The following HMGCLL1 variants were observed in gnomAD, a reference collection of about 807,000 sequenced individuals.
HMGCLL1 encodes the protein 3-hydroxymethyl-3-methylglutaryl-CoA lyase, cytoplasmic.
HMGCLL1 carries 36 observed loss-of-function variants against 39.1 expected under a neutral mutation model. That is an observed-to-expected ratio of 0.92 (90% confidence interval 0.71 to 1.22). The LOEUF (loss-of-function observed/expected upper bound fraction) is 1.22. HMGCLL1 is among the 50% of genes most tolerant of loss of function. The pLI is 0.00. For synonymous variants in HMGCLL1, 149 were observed against 144.0 expected, an observed-to-expected ratio of 1.03 and a Z score of -0.25; for missense variants, 451 against 416.5, an observed-to-expected ratio of 1.08 and a Z score of -0.72.
chr6:55,557,883 C>T (rs1770755854), intron 1 of HMGCLL1, among the ~76,000 whole-genome samples: 1 of 152,114 alleles, frequency 6.6e-6, no homozygotes, highest in Non-Finnish European at 1.5e-5. Context: ...GCAGGCTGTG[C>T]CTAATTTGTT....
rs1769478959 is a variant in HMGCLL1 at position 55,542,182 on chromosome 6, A to T, written c.109-42T>A. 3.0e-6 allele frequency: 4 copies of T among 1,312,386 alleles called. No individual in the cohort carries two copies. In the East Asian group the frequency reaches 9.4e-5, roughly 31 times the overall value. 81.3% of individuals were successfully genotyped at this position (1,312,386 alleles called of 1,614,324 possible). A position where few individuals can be genotyped will look rare whatever the true frequency, so the allele number is the denominator to read the frequency against. ...AAGAACAAGATAACGTAACTTTTAG[A>T]TTGTTACATTTGCTTATTTGAAAAG... On this transcript the variant is annotated intron_variant, in intron 1 of 8. Transcript: ENST00000274901.
At chr6:55,477,991 G>T (rs1386871852) in intron 7 of HMGCLL1, among the ~76,000 whole-genome samples, 1 of 147,914 alleles carries the variant, frequency 6.8e-6, no homozygotes, top group South Asian at 2.3e-4. Flanking sequence ...GGAATTACTT[G>T]CTTATTTTAC....
chr6:55,627,521 G>T, the HMGCLL1 span, among the ~76,000 whole-genome samples: 1 of 152,046 alleles, frequency 6.6e-6, no homozygotes, highest in South Asian at 2.1e-4. Flanking sequence ...AATACCGAGT[G>T]TCAACTTCAT....
chr6:55,565,003 A>G (rs1771145210), intron 1 of HMGCLL1, among the ~76,000 whole-genome samples: 1 of 152,098 alleles, frequency 6.6e-6, no homozygotes, highest in East Asian at 1.9e-4. Context: ...GATTTGTAGC[A>G]AACTACAATT....
intron 7 of HMGCLL1, among the ~76,000 whole-genome samples, chr6:55,454,702 T>C (rs557887166): frequency 1.3e-5 from 2 of 152,216 alleles, no homozygotes; most frequent in African/African-American, 4.8e-5. Flanking sequence ...GCAGACCAGG[T>C]AACTCCCCAC....
At chr6:55,657,904 T>G in the HMGCLL1 span, among the ~76,000 whole-genome samples, 1 of 151,790 alleles carries the variant, frequency 6.6e-6, no homozygotes, top group Non-Finnish European at 1.5e-5. Context: ...TGGGGCTTTT[T>G]GGAGAGTGGA....
chr6:55,670,449 C>T, the HMGCLL1 span, among the ~76,000 whole-genome samples: 1 of 151,770 alleles, frequency 6.6e-6, no homozygotes, highest in Non-Finnish European at 1.5e-5. Context: ...AGTTATGTTA[C>T]ATTTTTATTC....
In HMGCLL1 at chr6:55,560,921, T is replaced by C. The variant is rs1039024484; in HGVS notation, c.108+18027A>G. Among the ~76,000 whole-genome samples, 42 of 152,314 alleles carry C rather than the reference T, an allele frequency of 2.8e-4. 1 individual carries two copies. Among genetic ancestry groups the C allele is most frequent in the African/African-American group, 9.9e-4 (41 of 41,576 alleles). On this transcript the variant is annotated intron_variant, in intron 1 of 8. Coordinates refer to ENST00000274901, the MANE Select transcript of HMGCLL1 (RefSeq NM_001042406.2). ...ATCTTAAACAATAAATCAATGTTTT[T>C]CTTTTCAATCTCTAGTAAAAAATAA...
At chr6:55,523,166 A>G (rs566967754) in intron 3 of HMGCLL1, among the ~76,000 whole-genome samples, 1 of 151,852 alleles carries the variant, frequency 6.6e-6, no homozygotes, top group Admixed American at 6.6e-5. Context: ...TCTCCACTCC[A>G]CCTATCTGAT....
chr6:55,672,681 C>T, the HMGCLL1 span, among the ~76,000 whole-genome samples: 1 of 151,938 alleles, frequency 6.6e-6, no homozygotes, highest in African/African-American at 2.4e-5. Flanking sequence ...AAGTACTATT[C>T]AAACATGCAT....
the HMGCLL1 span, among the ~76,000 whole-genome samples, chr6:55,589,036 T>A: frequency 3.0e-3 from 461 of 152,136 alleles, 3 homozygotes; most frequent in African/African-American, 0.01. Flanking sequence ...AAAGAGGGAA[T>A]CCTCCCTAAC....
intron 3 of HMGCLL1, among the ~76,000 whole-genome samples, chr6:55,524,761 A>ATGAT (rs1250294878): frequency 1.3e-5 from 2 of 151,910 alleles, no homozygotes; most frequent in African/African-American, 2.4e-5. Flanking sequence ...GGCATATCTA[A>ATGAT]TGATTGTCCC....
intron 5 of HMGCLL1, among the ~76,000 whole-genome samples, chr6:55,500,086 G>A (rs1581862150): frequency 1.3e-5 from 2 of 151,948 alleles, no homozygotes; most frequent in Non-Finnish European, 2.9e-5. Flanking sequence ...AATGCATAAC[G>A]AGTATGATAT....
At chr6:55,515,220 T>C (rs1767672828) in intron 4 of HMGCLL1, among the ~76,000 whole-genome samples, 1 of 147,516 alleles carries the variant, frequency 6.8e-6, no homozygotes, top group Non-Finnish European at 1.5e-5. Context: ...GCCACTGCAC[T>C]CCAGCCTGGC....
chr6:55,581,091 G>T (rs1200971818), upstream of HMGCLL1, among the ~76,000 whole-genome samples: 1 of 152,022 alleles, frequency 6.6e-6, no homozygotes, highest in East Asian at 1.9e-4. Flanking sequence ...CCTCAAAAAG[G>T]ATTGGCAATT....
At chr6:55,610,313 G>C in the HMGCLL1 span, among the ~76,000 whole-genome samples, 3 of 151,972 alleles carry the variant, frequency 2.0e-5, no homozygotes, top group Non-Finnish European at 4.4e-5. Context: ...GTGTTATCTA[G>C]AATAACCACT....
intron 1 of HMGCLL1, among the ~76,000 whole-genome samples, chr6:55,553,854 G>T (rs1338141989): frequency 6.6e-6 from 1 of 152,124 alleles, no homozygotes; most frequent in African/African-American, 2.4e-5. Context: ...ACCTTACACA[G>T]CTCTTGCCAC....
chr6:55,622,817 A>G, the HMGCLL1 span, among the ~76,000 whole-genome samples: 1 of 151,928 alleles, frequency 6.6e-6, no homozygotes, highest in Non-Finnish European at 1.5e-5. Flanking sequence ...TGTTTTTTGT[A>G]GCATAGTTTC....
chr6:55,616,278 T>A, the HMGCLL1 span, among the ~76,000 whole-genome samples: 4 of 152,100 alleles, frequency 2.6e-5, no homozygotes, highest in Admixed American at 2.6e-4. Context: ...TACTGGGACT[T>A]GATCTCTTGA....
Sources: gnomAD v4.1 joint callset for allele counts (sites outside exome capture counted in the v4.1 genomes callset) on GRCh38, gnomAD v4.1.1 for gene constraint, MANE v1.5 for transcripts, NCBI Gene and HGNC (gene_info 2026-07-23, HGNC 2026-07-21) for gene names.